PTH2: variants seen among roughly 807,000 people sequenced by gnomAD.
The protein encoded by PTH2 is parathyroid hormone 2.
In PTH2, 5 loss-of-function variants were observed where a neutral mutation model predicts 6.2. The ratio of observed to expected loss-of-function variants is 0.80; its 90% CI spans 0.42 to 1.69. The LOEUF is 1.69. PTH2 is among the 40% of genes most tolerant of loss of function. The pLI, the probability that PTH2 is intolerant of heterozygous loss-of-function variation, is 0.02. For missense variants in PTH2, 156 were observed against 142.5 expected (o/e 1.09, Z -0.48); for synonymous variants, 67 against 73.6 (o/e 0.91, Z 0.46).
In PTH2 at chr19:49,422,472, G is replaced by T; in HGVS notation, c.299C>A (p.Pro100His). 1 of 1,593,398 alleles carries T rather than the reference G, an allele frequency of 6.3e-7. No individual in the cohort carries two copies. The highest frequency in any genetic ancestry group is 1.4e-5 in the African/African-American group (1 of 71,690). ...YMHKLLVLDA[P>H] The stretch of plus-strand genomic sequence containing the variant: ...AGATGGGGACGGGCAGCGCGCTCAG[G>T]GCGCATCCAACACCAGCAGCTTGTG... The change falls in exon 2 of 2, where the codon CCC becomes CAC. Residue 100 changes from proline to histidine, a missense_variant. Transcript: ENST00000270631.
chr19:49,422,759 C>A (rs1975031108), intron 1 of PTH2, 117 bp from the exon 2 acceptor site: 2 of 938,978 alleles, frequency 2.1e-6, no homozygotes, highest in Middle Eastern at 7.0e-4. Context: ...CGGTCCGGCT[C>A]CCCCTGTCTC....
Position 49,423,273 on chromosome 19 carries a change from C to CCAGCAGCAGCAGCAGCAG in PTH2, c.49_66dup (p.Leu17_Leu22dup). 6.3e-7 allele frequency: 1 copy of CCAGCAGCAGCAGCAGCAG among 1,580,886 alleles called. No homozygotes were observed. The highest frequency in any genetic ancestry group is 8.6e-7 in the Non-Finnish European group (1 of 1,157,564). ...GCAGTGCGGACGCCCCAGGGCACCACCAGCAGCAGCAGCAGCAGCAGCAGC... is the reference window on the plus strand; with the variant it reads ...GCAGTGCGGACGCCCCAGGGCACCACCAGCAGCAGCAGCAGCAGCAGCAGCAGCAGCAGCAGCAGCAGC... On this transcript the variant is annotated inframe_insertion, in exon 1 of 2. Transcript: ENST00000270631.
intron 1 of PTH2, 113 bp from the exon 2 acceptor site, chr19:49,422,755 G>A: frequency 1.0e-6 from 1 of 976,250 alleles, no homozygotes; most frequent in Non-Finnish European, 1.4e-6. Flanking sequence ...GGCTCGGTCC[G>A]GCTCCCCCTG....
chr19:49,422,623 C>T lies in PTH2; in HGVS notation c.148G>A (p.Ala50Thr), dbSNP rs888040418. 1 of 1,440,190 alleles carries T rather than the reference C, an allele frequency of 6.9e-7. No individual in the cohort carries two copies. Among genetic ancestry groups the T allele is most frequent in the Non-Finnish European group, 9.1e-7 (1 of 1,104,464 alleles). The allele number at this position is 1,440,190 out of a possible 1,614,324, so 89.2% of individuals were successfully genotyped here. Residue 50 changes from alanine (A) to threonine (T), a missense_variant, in exon 2 of 2, where the codon GCC (alanine) becomes ACC (threonine). By Grantham distance (58) the Ala-to-Thr change is moderately conservative. Coordinates refer to ENST00000270631, the MANE Select transcript of PTH2 (RefSeq NM_178449.4). ...CTGGGGGTGGCGGGATCCGCCCAGG[C>T]CCGTCCTGGGGGGCGGAGGCTGTGG... ...GVLSLRPPGR[A>T]WADPATPRPR...
chr19:49,423,184 C>T, intron 1 of PTH2, 28 bp downstream of exon 1: 3 of 1,609,256 alleles, frequency 1.9e-6, no homozygotes, highest in Non-Finnish European at 2.5e-6. Flanking sequence ...TCCCACCCCT[C>T]CCTGGGAGTT....
intron 1 of PTH2, 151 bp from the exon 2 acceptor site, chr19:49,422,793 GTC>G (rs1460160026): frequency 2.7e-6 from 2 of 747,292 alleles, no homozygotes; most frequent in South Asian, 2.3e-5. Flanking sequence ...GTGGGTCTCT[GTC>G]TCTCTGCTCA....
chr19:49,423,405 C>A lies in PTH2; in HGVS notation c.-66G>T. 1.3e-6 allele frequency: 2 copies of A among 1,520,042 alleles called. No homozygotes were observed. Among genetic ancestry groups the A allele is most frequent in the Admixed American group, 2.0e-5 (1 of 49,862 alleles). 94.2% of individuals were successfully genotyped at this position (1,520,042 alleles called of 1,614,324 possible). A position where few individuals can be genotyped will look rare whatever the true frequency, so the allele number is the denominator to read the frequency against. On this transcript the variant is annotated 5_prime_UTR_variant, in exon 1 of 2. The change abolishes an upstream ATG in the 5' untranslated region. Transcript: ENST00000270631. ...CCCGGCCCAGAACCCCGGGCCCCAC[C>A]ATGCATCCACCCCCAGCTTCCCGCA...
chr19:49,422,871 C>G (rs1287657299), intron 1 of PTH2, among the ~76,000 whole-genome samples: 2 of 152,216 alleles, frequency 1.3e-5, no homozygotes, highest in African/African-American at 4.8e-5. Context: ...CAGCGCTCAG[C>G]GCATGGCCAG....
intron 1 of PTH2, 129 bp from the exon 2 acceptor site, chr19:49,422,771 C>T: frequency 1.2e-6 from 1 of 864,014 alleles, no homozygotes; most frequent in Non-Finnish European, 1.6e-6. Context: ...CCCTGTCTCT[C>T]TCGTTCTCTG....
At chr19:49,422,774 G>T (rs367921728) in intron 1 of PTH2, 132 bp from the exon 2 acceptor site, 10 of 828,152 alleles carry the variant, frequency 1.2e-5, no homozygotes, top group Non-Finnish European at 1.7e-5. Flanking sequence ...TGTCTCTCTC[G>T]TTCTCTGTGT....
chr19:49,422,959 G>T (rs755494088), intron 1 of PTH2, among the ~76,000 whole-genome samples: 1 of 152,004 alleles, frequency 6.6e-6, no homozygotes, highest in Non-Finnish European at 1.5e-5. Context: ...GCCTCTCCAC[G>T]CCTTTCTCGG....
At chr19:49,422,707 T>G (rs1600974012) in intron 1 of PTH2, 65 bp from the exon 2 acceptor site, 1 of 1,349,700 alleles carries the variant, frequency 7.4e-7, no homozygotes, top group Non-Finnish European at 9.6e-7. Context: ...CTCCCCGCGG[T>G]CTAACTCGAA....
At chr19:49,422,698 TC>T in intron 1 of PTH2, 56 bp from the exon 2 acceptor site, 1 of 1,365,158 alleles carries the variant, frequency 7.3e-7, no homozygotes. Flanking sequence ...CCGCCTGTCC[TC>T]CCCGCGGTCT....
At position 49,422,656 on chromosome 19, in the gene PTH2, C is replaced by A; in HGVS notation, c.129-14G>T. 7.2e-7 allele frequency: 1 copy of A among 1,395,914 alleles called. No individual in the cohort carries two copies. The highest frequency in any genetic ancestry group is 9.3e-7 in the Non-Finnish European group (1 of 1,078,270). The allele number at this position is 1,395,914 out of a possible 1,614,324, so 86.5% of individuals were successfully genotyped here. The stretch of plus-strand genomic sequence containing the variant: ...GGGGGGCGGAGGCTGTGGAGAGACG[C>A]GGTGACCGCGCGTCCAGACTCGCTC... On this transcript the variant is annotated splice_polypyrimidine_tract_variant and intron_variant, in intron 1 of 1. Transcript: ENST00000270631.
At position 49,423,360 on chromosome 19, in the gene PTH2, G is replaced by A. The variant is rs1473757378; in HGVS notation, c.-21C>T. On this transcript the variant is annotated 5_prime_UTR_variant, in exon 1 of 2. Coordinates refer to ENST00000270631, the MANE Select transcript of PTH2 (RefSeq NM_178449.4). The stretch of plus-strand genomic sequence containing the variant: ...TCCATCACCTGTGGAGAACCAGAAA[G>A]GGGCTCAGTAGGGCTGCATCCCGGC... 1 of 1,565,034 alleles carries A rather than the reference G, an allele frequency of 6.4e-7. No homozygotes were observed. Among genetic ancestry groups the A allele is most frequent in the South Asian group, 1.2e-5 (1 of 86,528 alleles).
intron 1 of PTH2, 131 bp downstream of exon 1, chr19:49,423,081 G>T: frequency 8.6e-7 from 1 of 1,168,980 alleles, no homozygotes; most frequent in Non-Finnish European, 1.2e-6. Context: ...CTGTCTTCTC[G>T]CTGGGTCTCG....
rs1386749251 is a variant in PTH2 at position 49,423,359 on chromosome 19, A to G, written c.-20T>C. The stretch of plus-strand genomic sequence containing the variant: ...CTCCATCACCTGTGGAGAACCAGAA[A>G]GGGGCTCAGTAGGGCTGCATCCCGG... On this transcript the variant is annotated 5_prime_UTR_variant, in exon 1 of 2. Coordinates refer to ENST00000270631, the MANE Select transcript of PTH2 (RefSeq NM_178449.4). The G allele has an allele frequency of 2.6e-6, 4 of 1,566,280 alleles. No individual in the cohort carries two copies. Among genetic ancestry groups the G allele is most frequent in the Non-Finnish European group, 3.5e-6 (4 of 1,156,440 alleles).
chr19:49,422,562 GCCGCGTCGT>G lies in PTH2; in HGVS notation c.200_208del (p.Asp67_Ala69del). ...CAGCAACCGCGCGCGCTCCCGGAAG[GCCGCGTCGT>G]CCGCCAGCGCCAGGCTCCTCCGCGG... On this transcript the variant is annotated inframe_deletion, in exon 2 of 2. Coordinates refer to ENST00000270631, the MANE Select transcript of PTH2 (RefSeq NM_178449.4). 6.3e-7 allele frequency: 1 copy of G among 1,591,246 alleles called. No homozygotes were observed. The highest frequency in any genetic ancestry group is 8.5e-7 in the Non-Finnish European group (1 of 1,171,510).
Position 49,423,308 on chromosome 19 carries a change from C to T in PTH2, c.32G>A (p.Arg11Gln), listed in dbSNP as rs1381021641. Residue 11 changes from arginine to glutamine, a missense_variant, in exon 1 of 2, where the codon CGG becomes CAG. Arg to Gln is a conservative substitution (Grantham distance 43). Transcript: ENST00000270631. METRQVSRSP[R>Q]VRLLLLLLLL... ...CAGCAGCAGCAGCAGCAGCCGAACC[C>T]GAGGGCTCCTGGACACCTGGCGGGT... The T allele has an allele frequency of 3.1e-6, 5 of 1,609,106 alleles. No homozygotes were observed. Among genetic ancestry groups the T allele is most frequent in the Non-Finnish European group, 4.2e-6 (5 of 1,177,862 alleles).
Sources: gnomAD v4.1 joint callset for allele counts (sites outside exome capture counted in the v4.1 genomes callset) on GRCh38, gnomAD v4.1.1 for gene constraint, MANE v1.5 for transcripts, NCBI Gene and HGNC (gene_info 2026-07-23, HGNC 2026-07-21) for gene names.